CTNNA3: variants seen among roughly 807,000 people sequenced by gnomAD.
CTNNA3 encodes catenin alpha 3.
In CTNNA3, 76 loss-of-function variants were observed where a neutral mutation model predicts 95.7. The ratio of observed to expected loss-of-function variants is 0.79; its 90% CI spans 0.66 to 0.96. The LOEUF (loss-of-function observed/expected upper bound fraction) is 0.96. Ranked by LOEUF, CTNNA3 falls within the 40% of genes least tolerant of loss-of-function variation. CTNNA3 has a pLI of 0.00. For synonymous variants in CTNNA3, 431 were observed against 374.4 expected (o/e 1.15, Z -1.74); for missense variants, 1,191 against 1,089.8 (o/e 1.09, Z -1.31).
intron 2 of CTNNA3, among the ~76,000 whole-genome samples, chr10:67,632,126 C>CACA (rs1839161671): frequency 2.9e-5 from 4 of 139,064 alleles, no homozygotes; most frequent in African/African-American, 8.1e-5. Context: ...AGTGTCTTAG[C>CACA]CACACACACA....
chr10:66,701,279 T>C (rs1050325239), intron 9 of CTNNA3, among the ~76,000 whole-genome samples: 7 of 152,194 alleles, frequency 4.6e-5, no homozygotes, highest in African/African-American at 1.7e-4. Context: ...TAATGAGTTT[T>C]GAAATCAGGC....
chr10:66,440,667 G>C lies in CTNNA3; in HGVS notation c.1532-61315C>G, dbSNP rs200046298. On this transcript the variant is annotated intron_variant, in intron 11 of 17. Coordinates refer to ENST00000433211, the MANE Select transcript of CTNNA3 (RefSeq NM_013266.4). ...TTGTTTGAAACTTGAGAATAGGGTAGTAGTTAAAAGCATCAAATCTGGAGC... is the reference window on the plus strand; with the variant it reads ...TTGTTTGAAACTTGAGAATAGGGTACTAGTTAAAAGCATCAAATCTGGAGC... Among the ~76,000 whole-genome samples, 62 of 152,208 alleles carry C rather than the reference G, an allele frequency of 4.1e-4. No homozygotes were observed. In the East Asian group the frequency reaches 0.01, roughly 26 times the overall value.
chr10:67,616,803 G>A (rs1405818535), intron 2 of CTNNA3, among the ~76,000 whole-genome samples: 3 of 152,172 alleles, frequency 2.0e-5, no homozygotes, highest in Non-Finnish European at 4.4e-5. Context: ...GATATGTTTC[G>A]TATAGGTTAC....
chr10:66,955,140 G>A (rs1037967591), intron 7 of CTNNA3, among the ~76,000 whole-genome samples: 1 of 152,054 alleles, frequency 6.6e-6, no homozygotes, highest in South Asian at 2.1e-4. Context: ...TTTCCTAGGT[G>A]CCTTTGGTAT....
intron 10 of CTNNA3, among the ~76,000 whole-genome samples, chr10:66,554,815 G>A (rs893034184): frequency 4.0e-5 from 6 of 151,628 alleles, no homozygotes; most frequent in South Asian, 2.1e-4. Context: ...TTTCCTTCCT[G>A]TCTTCCTCCT....
intron 5 of CTNNA3, among the ~76,000 whole-genome samples, chr10:67,400,374 T>C (rs1258078321): frequency 6.6e-6 from 1 of 152,242 alleles, no homozygotes; most frequent in Non-Finnish European, 1.5e-5. Flanking sequence ...AGATGTATTA[T>C]GAAATAAGAA....
intron 7 of CTNNA3, among the ~76,000 whole-genome samples, chr10:66,971,691 G>A (rs1356977488): frequency 1.3e-5 from 2 of 152,056 alleles, no homozygotes; most frequent in East Asian, 3.9e-4. Context: ...ACAGGTAAGG[G>A]TATAAACCAC....
At position 67,208,378 on chromosome 10, in the gene CTNNA3, C is replaced by CAAAAAAAAAAAAAAAA. The variant is rs3056794; in HGVS notation, c.843+11213_843+11228dup. ...TGGGTGACAGAGCAAGACTCTGTCT[C>CAAAAAAAAAAAAAAAA]AAAAAAAAAAAAAAAAATAGCCACA... On this transcript the variant is annotated intron_variant, in intron 6 of 17. Transcript: ENST00000433211. 1.6e-4 allele frequency among the ~76,000 whole-genome samples: 15 copies of CAAAAAAAAAAAAAAAA among 93,168 alleles called. No homozygotes were observed. The East Asian group carries it at 3.8e-3, about 23-fold the overall frequency. The allele number at this position is 93,168 out of a possible 152,430, so 61.1% of individuals were successfully genotyped here.
intron 9 of CTNNA3, among the ~76,000 whole-genome samples, chr10:66,739,126 G>A (rs1849244262): frequency 6.6e-6 from 1 of 152,108 alleles, no homozygotes; most frequent in Non-Finnish European, 1.5e-5. Context: ...ATCCAGAGTG[G>A]GGATGAATGA....
intron 1 of CTNNA3, among the ~76,000 whole-genome samples, 152 bp from the exon 2 acceptor site, chr10:67,647,670 C>T (rs929487298): frequency 1.9e-4 from 29 of 152,164 alleles, no homozygotes; most frequent in South Asian, 2.1e-4. Flanking sequence ...CAAAATCTAC[C>T]TTCAGAGAAA....
At chr10:66,845,733 AAAAGGTGAGAT>A in intron 7 of CTNNA3, among the ~76,000 whole-genome samples, 3 of 121,662 alleles carry the variant, frequency 2.5e-5, no homozygotes, top group Non-Finnish European at 3.4e-5. Flanking sequence ...AAAAAAACTA[AAAAGGTGAGAT>A]ATATATACAT....
chr10:67,171,927 T>C (rs1383169032), intron 7 of CTNNA3, among the ~76,000 whole-genome samples: 1 of 151,514 alleles, frequency 6.6e-6, no homozygotes, highest in East Asian at 1.9e-4. Context: ...ATATTGGGAG[T>C]TTATCAAATA....
intron 7 of CTNNA3, among the ~76,000 whole-genome samples, chr10:67,143,303 T>A (rs895293305): frequency 2.6e-5 from 4 of 151,400 alleles, no homozygotes; most frequent in Non-Finnish European, 5.9e-5. Flanking sequence ...GCGACTGTAA[T>A]CCCAGCTACT....
chr10:67,153,201 C>A (rs113275369), intron 7 of CTNNA3, among the ~76,000 whole-genome samples: 18,611 of 152,160 alleles, frequency 0.12, 2,140 homozygotes, highest in African/African-American at 0.3. Flanking sequence ...GTCTCGAACT[C>A]CAGATCTCAG....
At chr10:66,368,123 G>C in intron 12 of CTNNA3, among the ~76,000 whole-genome samples, 1 of 151,700 alleles carries the variant, frequency 6.6e-6, no homozygotes, top group Non-Finnish European at 1.5e-5. Flanking sequence ...TTCTCAAGAA[G>C]ATCTACACAA....
intron 5 of CTNNA3, among the ~76,000 whole-genome samples, chr10:67,248,282 G>A (rs1057130324): frequency 6.6e-6 from 1 of 152,150 alleles, no homozygotes; most frequent in Admixed American, 6.5e-5. Context: ...AAACTGCAGT[G>A]AGCCCTGATT....
chr10:67,727,818 T>C lies in CTNNA3; in HGVS notation c.-2+35616A>G, dbSNP rs1453946992. ...ATATACACATATGTATTATATATCA[T>C]ATATTATATTACATATAATATAGTA... On this transcript the variant is annotated intron_variant, in intron 1 of 17. Transcript: ENST00000684154. Among the ~76,000 whole-genome samples, 10 of 129,762 alleles carry C rather than the reference T, an allele frequency of 7.7e-5. No homozygotes were observed. The South Asian group carries it at 1.8e-3, about 23-fold the overall frequency. 85.1% of individuals were successfully genotyped at this position (129,762 alleles called of 152,430 possible). A position where few individuals can be genotyped will look rare whatever the true frequency, so the allele number is the denominator to read the frequency against.
rs536264561 is a variant in CTNNA3 at position 67,558,710 on chromosome 10, G to A, written c.293-19041C>T. On this transcript the variant is annotated intron_variant, in intron 3 of 17. Coordinates refer to ENST00000433211, the MANE Select transcript of CTNNA3 (RefSeq NM_013266.4). ...ATTGCCTCACTCGAGAAGCGCAAGGGGTCAGGGAGTTCCCTTTCCTGGTCA... is the reference window on the plus strand; with the variant it reads ...ATTGCCTCACTCGAGAAGCGCAAGGAGTCAGGGAGTTCCCTTTCCTGGTCA... Among the ~76,000 whole-genome samples, 6 of 152,364 alleles carry A rather than the reference G, an allele frequency of 3.9e-5. No homozygotes were observed. The South Asian group carries it at 8.3e-4, about 21-fold the overall frequency.
chr10:66,367,883 T>A (rs10762067), intron 12 of CTNNA3, among the ~76,000 whole-genome samples: 374 of 12,544 alleles, frequency 0.03, no homozygotes, highest in African/African-American at 0.083. Flanking sequence ...TAATAATAAT[T>A]ATTATTATTA....
Sources: allele counts gnomAD v4.1 joint callset (sites outside exome capture counted in the v4.1 genomes callset), GRCh38; gene constraint gnomAD v4.1.1; transcripts MANE v1.5; gene names NCBI Gene and HGNC (gene_info 2026-07-23, HGNC 2026-07-21).